Variants in DPPA3 observed in about 807,000 individuals in gnomAD.
The protein encoded by DPPA3 is developmental pluripotency-associated protein 3.
DPPA3 carries 9 observed loss-of-function variants against 15.6 expected under a neutral mutation model. The observed-to-expected ratio is 0.58, with a 90% CI of 0.35 to 1.01. The LOEUF is 1.01. Among genes scored for constraint, DPPA3 ranks in the 50% least tolerant of loss-of-function variants. DPPA3 has a pLI of 0.02. For synonymous variants in DPPA3, 61 were observed against 70.9 expected (o/e 0.86, Z 0.70); for missense variants, 148 against 194.6 (o/e 0.76, Z 1.42).
intron 2 of DPPA3, among the ~76,000 whole-genome samples, chr12:7,715,839 T>G (rs1346153654): frequency 6.6e-6 from 1 of 151,964 alleles, no homozygotes; most frequent in Non-Finnish European, 1.5e-5. Flanking sequence ...CCCTGCACTT[T>G]GGAAGGCTGA....
In DPPA3 at chr12:7,717,485, G is replaced by C. The variant is rs574473896; in HGVS notation, c.*408G>C. The stretch of plus-strand genomic sequence containing the variant: ...TTGGATTGCAATCACAGCAAACTTT[G>C]TTATTTTTACAGTTTTCAGTACAAA... On this transcript the variant is annotated 3_prime_UTR_variant, in exon 4 of 4. Coordinates refer to ENST00000345088, the MANE Select transcript of DPPA3 (RefSeq NM_199286.4). 1 of 156,850 alleles carries C rather than the reference G, an allele frequency of 6.4e-6. No individual in the cohort carries two copies. Among genetic ancestry groups the C allele is most frequent in the Non-Finnish European group, 1.4e-5 (1 of 71,470 alleles). The allele number at this position is 156,850 out of a possible 1,614,324, so 9.7% of individuals were successfully genotyped here.
At chr12:7,711,675 TGACTATCTGACTATA>T in intron 1 of DPPA3, 23 bp downstream of exon 1, 1 of 1,601,196 alleles carries the variant, frequency 6.2e-7, no homozygotes, top group East Asian at 2.3e-5. Flanking sequence ...ATGCCCTTCT[TGACTATCTGACTATA>T]GGGGGGTTGG....
At chr12:7,715,900 TAA>T (rs1864394255) in intron 2 of DPPA3, among the ~76,000 whole-genome samples, 1 of 152,014 alleles carries the variant, frequency 6.6e-6, no homozygotes, top group Admixed American at 6.6e-5. Context: ...CTAGGCAATA[TAA>T]AAAATTAATA....
chr12:7,714,897 TAG>T (rs1426556683), intron 1 of DPPA3, among the ~76,000 whole-genome samples: 2 of 151,836 alleles, frequency 1.3e-5, no homozygotes, highest in African/African-American at 4.8e-5. Context: ...TATTTTTTAG[TAG>T]AGAGGGGGTT....
chr12:7,715,570 T>A, intron 2 of DPPA3, 143 bp downstream of exon 2: 1 of 1,274,114 alleles, frequency 7.8e-7, no homozygotes, highest in Non-Finnish European at 1.1e-6. Flanking sequence ...CTGAGGCAGG[T>A]GGATCACCTG....
At position 7,716,249 on chromosome 12, in the gene DPPA3, ATT is replaced by A. The variant is rs766068484; in HGVS notation, c.369+16_369+17del. The stretch of plus-strand genomic sequence containing the variant: ...GCCTAAGGGAGTTAAGGTAAGTATA[ATT>A]TTTTTCTTTTTATTTTCCTTTTTTT... On this transcript the variant is annotated intron_variant, in intron 3 of 3. Coordinates refer to ENST00000345088, the MANE Select transcript of DPPA3 (RefSeq NM_199286.4). The A allele has an allele frequency of 1.0e-5, 16 of 1,551,866 alleles. No individual in the cohort carries two copies. The Admixed American group carries it at 2.9e-4, about 28-fold the overall frequency.
At chr12:7,716,937 C>A in intron 3 of DPPA3, 30 bp from the exon 4 acceptor site, 1 of 1,558,028 alleles carries the variant, frequency 6.4e-7, no homozygotes, top group Non-Finnish European at 8.9e-7. Context: ...TACAATATTC[C>A]AATTAATCCA....
In DPPA3 at chr12:7,715,174, C is replaced by G. The variant is rs1376383090; in HGVS notation, c.83-9C>G. On this transcript the variant is annotated splice_polypyrimidine_tract_variant and intron_variant, in intron 1 of 3. Transcript: ENST00000345088. Reference sequence around the variant, plus strand: ...CCTTAATGTAATGGCTTTTAACCTTCTCTTTCAGGGGCCTCTCAAATCTCC... The same window carrying G: ...CCTTAATGTAATGGCTTTTAACCTTGTCTTTCAGGGGCCTCTCAAATCTCC... 1 of 1,613,208 alleles carries G rather than the reference C, an allele frequency of 6.2e-7. No homozygotes were observed. Among genetic ancestry groups the G allele is most frequent in the Non-Finnish European group, 8.5e-7 (1 of 1,179,644 alleles).
At position 7,715,360 on chromosome 12, in the gene DPPA3, C is replaced by T; in HGVS notation, c.260C>T (p.Thr87Ile). 2 of 1,614,130 alleles carry T rather than the reference C, an allele frequency of 1.2e-6. No homozygotes were observed. The highest frequency in any genetic ancestry group is 8.5e-7 in the Non-Finnish European group (1 of 1,180,012). Residue 87 changes from threonine (T) to isoleucine (I), a missense_variant, in exon 2 of 4, where the codon ACA becomes ATA. Physicochemically the swap from Thr to Ile is moderately conservative, Grantham distance 89. Transcript: ENST00000345088. ...EWLYSRRGVR[T>I]LLSVQREKMA... ...CTTTACAGCAGGAGAGGAGTAAGAA[C>T]ATTGCTGTCTGTGCAGAGAGAAAAG...
At chr12:7,714,802 T>C (rs1447716369) in intron 1 of DPPA3, among the ~76,000 whole-genome samples, 2 of 152,014 alleles carry the variant, frequency 1.3e-5, no homozygotes. Context: ...AAGCTCCACC[T>C]CCTGGGTTCA....
intron 3 of DPPA3, among the ~76,000 whole-genome samples, chr12:7,716,492 C>G: frequency 6.6e-6 from 1 of 152,162 alleles, no homozygotes; most frequent in Non-Finnish European, 1.5e-5. Context: ...CCTCTACTGT[C>G]AACGTCACAC....
At position 7,717,438 on chromosome 12, in the gene DPPA3, A is replaced by T. The variant is rs1270131429; in HGVS notation, c.*361A>T. ...TAGGTAGTTGGGCTATAGCATAATT[A>T]GATTTTCTGGCTTTCAAAAATTTGG... is the stretch of plus-strand genomic sequence containing the variant. On this transcript the variant is annotated 3_prime_UTR_variant, in exon 4 of 4. Coordinates refer to ENST00000345088, the MANE Select transcript of DPPA3 (RefSeq NM_199286.4). The T allele has an allele frequency of 5.9e-6, 1 of 169,104 alleles. No individual in the cohort carries two copies. The highest frequency in any genetic ancestry group is 1.6e-4 in the East Asian group (1 of 6,170). The allele number at this position is 169,104 out of a possible 1,614,324, so 10.5% of individuals were successfully genotyped here.
chr12:7,715,431 T>C lies in DPPA3; in HGVS notation c.327+4T>C. The C allele has an allele frequency of 6.2e-7, 1 of 1,613,836 alleles. No homozygotes were observed. Among genetic ancestry groups the C allele is most frequent in the Non-Finnish European group, 8.5e-7 (1 of 1,179,902 alleles). ...GTTACTCGGCGGAGTTCGTACGGTA[T>C]GTTGATGTGATGTGGCCGGGGCTGT... On this transcript the variant is annotated splice_donor_region_variant and intron_variant, in intron 2 of 3. Coordinates refer to ENST00000345088, the MANE Select transcript of DPPA3 (RefSeq NM_199286.4).
At chr12:7,712,486 C>T (rs1257633155) in intron 1 of DPPA3, among the ~76,000 whole-genome samples, 3 of 152,102 alleles carry the variant, frequency 2.0e-5, no homozygotes, top group East Asian at 1.9e-4. Context: ...GAGTCTCTGT[C>T]GCCCGGGCTG....
intron 1 of DPPA3, 62 bp from the exon 2 acceptor site, chr12:7,715,121 C>G: frequency 6.2e-7 from 1 of 1,608,968 alleles, no homozygotes; most frequent in Non-Finnish European, 8.5e-7. Context: ...AAGGGCAGAC[C>G]TAGTTGATGT....
chr12:7,712,532 C>T (rs970081676), intron 1 of DPPA3, among the ~76,000 whole-genome samples: 1 of 152,118 alleles, frequency 6.6e-6, no homozygotes, highest in African/African-American at 2.4e-5. Flanking sequence ...ACTGCAACCT[C>T]CGCCTCTCGG....
chr12:7,712,479 T>G (rs1417791197), intron 1 of DPPA3, among the ~76,000 whole-genome samples: 1 of 150,986 alleles, frequency 6.6e-6, no homozygotes, highest in Non-Finnish European at 1.5e-5. Flanking sequence ...TGAGACGGAG[T>G]CTCTGTCGCC....
chr12:7,715,152 TA>T, intron 1 of DPPA3, 30 bp from the exon 2 acceptor site: 1 of 1,612,510 alleles, frequency 6.2e-7, no homozygotes, highest in Admixed American at 1.7e-5. Context: ...AAGATCCCCT[TA>T]ATGTAATGGC....
Position 7,711,480 on chromosome 12 carries a change from C to G in DPPA3, c.-91C>G. On this transcript the variant is annotated 5_prime_UTR_variant, in exon 1 of 4. Coordinates refer to ENST00000345088, the MANE Select transcript of DPPA3 (RefSeq NM_199286.4). ...GGAGCTCCGGTTTTCAGCCTCTTTC[C>G]GGGCTACCTGGTAGCAATTTGAGGC... 8.1e-7 allele frequency: 1 copy of G among 1,227,374 alleles called. No individual in the cohort carries two copies. The highest frequency in any genetic ancestry group is 2.6e-5 in the Admixed American group (1 of 38,540). 76.0% of individuals were successfully genotyped at this position (1,227,374 alleles called of 1,614,324 possible). A position where few individuals can be genotyped will look rare whatever the true frequency, so the allele number is the denominator to read the frequency against.
Sources: allele counts gnomAD v4.1 joint callset (sites outside exome capture counted in the v4.1 genomes callset), GRCh38; gene constraint gnomAD v4.1.1; transcripts MANE v1.5; gene names NCBI Gene and HGNC (gene_info 2026-07-23, HGNC 2026-07-21).